PCDH9: variants seen among roughly 807,000 people sequenced by gnomAD.
PCDH9 encodes protocadherin-9.
In PCDH9, 24 loss-of-function variants were observed where a neutral mutation model predicts 70.6. The observed-to-expected ratio is 0.34, with a 90% confidence interval of 0.25 to 0.48. PCDH9 has a LOEUF of 0.48. Ranked by LOEUF, PCDH9 falls within the 20% of genes least tolerant of loss-of-function variation. PCDH9 has a pLI of 0.99. For synonymous variants in PCDH9, 562 were observed against 558.5 expected, an observed-to-expected ratio of 1.01 and a Z score of -0.09; for missense variants, 1,281 against 1,503.6, an observed-to-expected ratio of 0.85 and a Z score of 2.45.
At chr13:66,988,307 C>T (rs1197965195) in intron 2 of PCDH9, among the ~76,000 whole-genome samples, 3 of 152,016 alleles carry the variant, frequency 2.0e-5, no homozygotes, top group African/African-American at 7.2e-5. Flanking sequence ...AATCTTTTAA[C>T]ACGTAGTCTG....
At chr13:67,002,542 T>C (rs747281830) in intron 2 of PCDH9, among the ~76,000 whole-genome samples, 2 of 151,796 alleles carry the variant, frequency 1.3e-5, no homozygotes, top group African/African-American at 4.8e-5. Flanking sequence ...GAATTAAATA[T>C]TTACATTTCT....
At chr13:66,372,110 G>A (rs2138219147) in intron 4 of PCDH9, among the ~76,000 whole-genome samples, 1 of 152,130 alleles carries the variant, frequency 6.6e-6, no homozygotes, top group East Asian at 1.9e-4. Context: ...TGTGTGCAGA[G>A]TGCTCTGTTA....
At chr13:66,922,121 G>A (rs556258424) in intron 2 of PCDH9, among the ~76,000 whole-genome samples, 70 of 151,386 alleles carry the variant, frequency 4.6e-4, no homozygotes, top group Non-Finnish European at 7.3e-4. Flanking sequence ...TTATATTCAT[G>A]TATCAGAAAA....
At chr13:66,424,412 C>T (rs932893929) in intron 4 of PCDH9, among the ~76,000 whole-genome samples, 2 of 151,846 alleles carry the variant, frequency 1.3e-5, no homozygotes, top group Admixed American at 1.3e-4. Context: ...ATGCCTTTCC[C>T]TAGAGTTATT....
intron 3 of PCDH9, among the ~76,000 whole-genome samples, chr13:66,832,278 C>A (rs965297741): frequency 3.3e-5 from 5 of 152,006 alleles, no homozygotes; most frequent in Admixed American, 3.3e-4. Flanking sequence ...TGAATTTACT[C>A]TATTTAAATG....
intron 2 of PCDH9, among the ~76,000 whole-genome samples, chr13:67,105,667 A>T (rs9541000): frequency 0.12 from 18,479 of 151,912 alleles, 1,198 homozygotes; most frequent in African/African-American, 0.15. Context: ...TTCTTTTTTT[A>T]AAAGTAAGCT....
chr13:66,642,874 T>C (rs1421907320), intron 3 of PCDH9, among the ~76,000 whole-genome samples: 4 of 151,992 alleles, frequency 2.6e-5, no homozygotes, highest in Non-Finnish European at 5.9e-5. Context: ...ACAGCACTTA[T>C]TTAAATGCAT....
At chr13:67,151,310 C>A (rs1391997649) in intron 2 of PCDH9, among the ~76,000 whole-genome samples, 1 of 152,116 alleles carries the variant, frequency 6.6e-6, no homozygotes, top group Non-Finnish European at 1.5e-5. Flanking sequence ...TGTTTCTTAA[C>A]GTTTGTATCC....
intron 2 of PCDH9, among the ~76,000 whole-genome samples, chr13:67,003,383 G>GAA (rs11461995): frequency 1.3e-5 from 2 of 151,308 alleles, no homozygotes; most frequent in South Asian, 4.2e-4. Context: ...TGGTAAAAAA[G>GAA]AAAAAAAAGA....
intron 4 of PCDH9, among the ~76,000 whole-genome samples, chr13:66,436,030 A>T (rs1293434993): frequency 2.0e-5 from 3 of 152,048 alleles, no homozygotes; most frequent in African/African-American, 7.2e-5. Flanking sequence ...TTTAAAAAAA[A>T]GTCACCTAGT....
At chr13:66,520,795 A>C (rs1298144589) in intron 4 of PCDH9, among the ~76,000 whole-genome samples, 9 of 152,154 alleles carry the variant, frequency 5.9e-5, no homozygotes. Context: ...GTCTTAATTC[A>C]TAACCAATTT....
At position 67,226,653 on chromosome 13, in the gene PCDH9, C is replaced by G; in HGVS notation, c.1788G>C (p.Val596=). The stretch of plus-strand genomic sequence containing the variant: ...TATTCTCTCCAGCATCTGCATCTGT[C>G]ACTGTGATTACCCCCACAGTACTAT... The part of the protein sequence containing the change: ...PKYSTVGVIT[V]TDADAGENKA... The change falls in exon 2 of 5, where the codon GTG becomes GTC. Residue 596 remains valine, a synonymous_variant. Coordinates refer to ENST00000377865, the MANE Select transcript of PCDH9 (RefSeq NM_203487.3). This position sits in a 1 kb window ranked among gnomAD's most constrained non-coding sequence, Gnocchi z 5.0. The G allele has an allele frequency of 6.2e-7, 1 of 1,613,660 alleles. No individual in the cohort carries two copies. The highest frequency in any genetic ancestry group is 1.7e-5 in the Admixed American group (1 of 60,030).
intron 4 of PCDH9, among the ~76,000 whole-genome samples, chr13:66,463,991 A>T (rs1057210652): frequency 1.6e-5 from 2 of 124,892 alleles, no homozygotes; most frequent in African/African-American, 6.0e-5. Context: ...GACATTAAAA[A>T]TTTAAATTTA....
chr13:66,612,905 C>T (rs148549835), intron 4 of PCDH9, among the ~76,000 whole-genome samples: 34 of 152,158 alleles, frequency 2.2e-4, no homozygotes, highest in African/African-American at 7.5e-4. Context: ...TTTTCATGGC[C>T]TTGAGACAAA....
intron 3 of PCDH9, among the ~76,000 whole-genome samples, chr13:66,839,330 T>TA (rs1251914654): frequency 1.3e-5 from 2 of 152,152 alleles, no homozygotes; most frequent in African/African-American, 2.4e-5. Context: ...GTCCCAATTT[T>TA]AAAAAATGTA....
intron 2 of PCDH9, among the ~76,000 whole-genome samples, chr13:67,162,288 C>T (rs549900115): frequency 6.6e-6 from 1 of 152,252 alleles, no homozygotes; most frequent in East Asian, 1.9e-4. Context: ...TCTAGTTCTC[C>T]TGATATGTAA....
At chr13:66,849,517 T>TATATATATATATATAG (rs1272589939) in intron 3 of PCDH9, among the ~76,000 whole-genome samples, 1 of 63,580 alleles carries the variant, frequency 1.6e-5, no homozygotes, top group Non-Finnish European at 2.6e-5. Flanking sequence ...TATATATATA[T>TATATATATATATATAG]AGAGAGAGAG....
At chr13:66,660,801 A>G (rs2077998144) in intron 3 of PCDH9, among the ~76,000 whole-genome samples, 1 of 152,114 alleles carries the variant, frequency 6.6e-6, no homozygotes, top group South Asian at 2.1e-4. Flanking sequence ...GAAACAAAAT[A>G]GTTAAAATAA....
intron 2 of PCDH9, among the ~76,000 whole-genome samples, chr13:66,955,232 T>A (rs2083249089): frequency 6.6e-6 from 1 of 152,220 alleles, no homozygotes; most frequent in Non-Finnish European, 1.5e-5. Flanking sequence ...TATCAATCAA[T>A]CAAATGTTGG....
Sources: allele counts gnomAD v4.1 joint callset (sites outside exome capture counted in the v4.1 genomes callset), GRCh38; gene constraint gnomAD v4.1.1; non-coding constraint Gnocchi (gnomAD v3.1); transcripts MANE v1.5; gene names NCBI Gene and HGNC (gene_info 2026-07-23, HGNC 2026-07-21).